GABRB1: variants seen among roughly 807,000 people sequenced by gnomAD.
GABRB1 encodes the protein gamma-aminobutyric acid type A receptor subunit beta1.
A neutral mutation model predicts 51.6 loss-of-function variants in GABRB1; 17 were observed. The observed-to-expected ratio is 0.33, with a 90% CI of 0.23 to 0.49. The LOEUF is 0.49. Ranked by LOEUF, GABRB1 falls within the 20% of genes least tolerant of loss-of-function variation. The pLI, the probability that GABRB1 is intolerant of heterozygous loss-of-function variation, is 0.99. For missense variants in GABRB1, 410 were observed against 600.6 expected, an observed-to-expected ratio of 0.68 and a Z score of 3.32; for synonymous variants, 247 against 218.9, an observed-to-expected ratio of 1.13 and a Z score of -1.14.
intron 5 of GABRB1, among the ~76,000 whole-genome samples, chr4:47,387,517 TA>T (rs1234020289): frequency 2.0e-5 from 3 of 152,152 alleles, no homozygotes; most frequent in African/African-American, 7.2e-5. Context: ...CAAATTGAAT[TA>T]GATAAAATTA....
chr4:47,068,785 T>C (rs990428713), intron 3 of GABRB1, among the ~76,000 whole-genome samples: 2 of 152,140 alleles, frequency 1.3e-5, no homozygotes, highest in African/African-American at 2.4e-5. Context: ...ATTGCCAGAA[T>C]GTAATACAGA....
intron 4 of GABRB1, among the ~76,000 whole-genome samples, chr4:47,186,611 T>C (rs1198944337): frequency 6.6e-6 from 1 of 151,846 alleles, no homozygotes; most frequent in African/African-American, 2.4e-5. Context: ...TACCTTTAAG[T>C]GTCCCCACCT....
chr4:47,126,373 T>C (rs1716143448), intron 3 of GABRB1, among the ~76,000 whole-genome samples: 1 of 152,160 alleles, frequency 6.6e-6, no homozygotes, highest in Non-Finnish European at 1.5e-5. Flanking sequence ...AATAATACAG[T>C]ATTGTTTAAT....
chr4:47,075,935 A>T (rs1727528717), intron 3 of GABRB1, among the ~76,000 whole-genome samples: 1 of 152,104 alleles, frequency 6.6e-6, no homozygotes, highest in Non-Finnish European at 1.5e-5. Context: ...ATAGGTATCA[A>T]GTATAGCTGT....
At chr4:47,399,117 T>G (rs1261540793) in intron 5 of GABRB1, among the ~76,000 whole-genome samples, 1 of 152,218 alleles carries the variant, frequency 6.6e-6, no homozygotes, top group Non-Finnish European at 1.5e-5. Context: ...AATAATGTTT[T>G]TTGCTTTGTT....
At chr4:47,270,419 C>G (rs567478300) in intron 4 of GABRB1, among the ~76,000 whole-genome samples, 19 of 152,276 alleles carry the variant, frequency 1.2e-4, no homozygotes, top group South Asian at 2.1e-4. Flanking sequence ...CAATATTACT[C>G]CCAAGCACAG....
chr4:47,227,389 A>G (rs1159784966), intron 4 of GABRB1, among the ~76,000 whole-genome samples: 1 of 152,154 alleles, frequency 6.6e-6, no homozygotes, highest in African/African-American at 2.4e-5. Flanking sequence ...TATACAGTTT[A>G]CATGTCTCTT....
At chr4:47,202,483 C>T (rs770234730) in intron 4 of GABRB1, among the ~76,000 whole-genome samples, 1 of 152,102 alleles carries the variant, frequency 6.6e-6, no homozygotes, top group East Asian at 1.9e-4. Flanking sequence ...TTGTTGAATA[C>T]CTTCTATTGG....
intron 5 of GABRB1, among the ~76,000 whole-genome samples, chr4:47,350,183 T>TTATATATATATATATATATA: frequency 1.1e-5 from 1 of 87,728 alleles, no homozygotes; most frequent in Non-Finnish European, 2.1e-5. Context: ...TGGGCTCAGA[T>TTATATATATATATATATATA]TATATATATA....
intron 4 of GABRB1, among the ~76,000 whole-genome samples, chr4:47,285,340 GTAA>G (rs907241014): frequency 1.4e-4 from 21 of 152,124 alleles, no homozygotes; most frequent in African/African-American, 5.1e-4. Flanking sequence ...GCTTCCCAAT[GTAA>G]TTATAACTAA....
At chr4:47,054,915 A>G (rs1339180479) in intron 3 of GABRB1, among the ~76,000 whole-genome samples, 1 of 152,140 alleles carries the variant, frequency 6.6e-6, no homozygotes, top group African/African-American at 2.4e-5. Context: ...TAAAGTTGTC[A>G]TTTCATAAGT....
intron 1 of GABRB1, among the ~76,000 whole-genome samples, chr4:47,015,814 T>C (rs545911516): frequency 3.3e-5 from 5 of 152,368 alleles, no homozygotes; most frequent in African/African-American, 9.6e-5. Flanking sequence ...ATTCATTTTG[T>C]TCTTAATTTA....
At chr4:47,346,449 A>AGGC (rs1726092539) in intron 5 of GABRB1, among the ~76,000 whole-genome samples, 1 of 148,034 alleles carries the variant, frequency 6.8e-6, no homozygotes, top group Non-Finnish European at 1.5e-5. Context: ...ACTATTCAAC[A>AGGC]GGCTGATTGC....
intron 3 of GABRB1, among the ~76,000 whole-genome samples, chr4:47,152,830 G>C (rs2109720396): frequency 6.6e-6 from 1 of 152,128 alleles, no homozygotes; most frequent in Non-Finnish European, 1.5e-5. Flanking sequence ...GTCACCAAGT[G>C]CTGCCTTAAA....
chr4:47,245,082 AATTGATAGACCGCTAGC>A (rs1721692492), intron 4 of GABRB1, among the ~76,000 whole-genome samples: 1 of 152,162 alleles, frequency 6.6e-6, no homozygotes, highest in African/African-American at 2.4e-5. Flanking sequence ...AGATCAACAA[AATTGATAGACCGCTAGC>A]AAGACTAATA....
At chr4:47,176,664 G>A (rs1181193533) in intron 4 of GABRB1, among the ~76,000 whole-genome samples, 8 of 152,018 alleles carry the variant, frequency 5.3e-5, no homozygotes, top group Non-Finnish European at 1.2e-4. Context: ...AAGGAAGAGA[G>A]CATAGATAAA....
At chr4:47,240,796 T>C (rs1721491978) in intron 4 of GABRB1, among the ~76,000 whole-genome samples, 3 of 152,330 alleles carry the variant, frequency 2.0e-5, no homozygotes, top group Admixed American at 6.5e-5. Context: ...TTCAAGGACA[T>C]AGCACAGCAC....
chr4:47,130,042 T>A (rs1428787223), intron 3 of GABRB1, among the ~76,000 whole-genome samples: 1 of 152,174 alleles, frequency 6.6e-6, no homozygotes, highest in African/African-American at 2.4e-5. Context: ...TCCCAGGGAA[T>A]CACATGCCCT....
chr4:47,039,569 G>C (rs970012148), intron 3 of GABRB1, among the ~76,000 whole-genome samples: 1 of 152,050 alleles, frequency 6.6e-6, no homozygotes, highest in East Asian at 1.9e-4. Flanking sequence ...TATGTGGTAG[G>C]TGCTATGATA....
Sources: gnomAD v4.1 joint callset for allele counts (sites outside exome capture counted in the v4.1 genomes callset) on GRCh38, gnomAD v4.1.1 for gene constraint, MANE v1.5 for transcripts, NCBI Gene and HGNC (gene_info 2026-07-23, HGNC 2026-07-21) for gene names.